The following CRTAC1 variants were observed in gnomAD, a reference collection of about 807,000 sequenced individuals.
CRTAC1 encodes the protein acidic secreted protein in cartilage.
Under a neutral mutation model 67.8 loss-of-function variants are expected in CRTAC1, and 37 were observed. That is an observed-to-expected ratio of 0.55 (90% CI 0.42 to 0.72). The LOEUF (loss-of-function observed/expected upper bound fraction) is 0.72. CRTAC1 is among the 30% of genes least tolerant of loss of function. CRTAC1 has a pLI of 0.00. For synonymous variants in CRTAC1, 348 were observed against 371.0 expected (o/e 0.94, Z 0.71); for missense variants, 780 against 931.6 (o/e 0.84, Z 2.12).
chr10:98,005,106 T>A (rs1297017462), intron 2 of CRTAC1, among the ~76,000 whole-genome samples: 13 of 118,706 alleles, frequency 1.1e-4, no homozygotes, highest in African/African-American at 2.9e-4. Context: ...ATATATTTTT[T>A]TTTTTTTTTT....
Position 97,904,789 on chromosome 10 carries a change from C to T in CRTAC1, c.876G>A (p.Gly292=), listed in dbSNP as rs751961796. 6.2e-7 allele frequency: 1 copy of T among 1,602,582 alleles called. No homozygotes were observed. The highest frequency in any genetic ancestry group is 8.5e-7 in the Non-Finnish European group (1 of 1,175,348). ...SAGVDDPHQH[G]RGVALADFNR... The stretch of plus-strand genomic sequence containing the variant: ...TGAAGTCAGCCAGGGCGACACCTCG[C>T]CCATGCTGGTGGGGGTCGTCCACAC... The change falls in exon 7 of 15, where the codon GGG becomes GGA. Residue 292 remains glycine (G), a synonymous_variant. Coordinates refer to ENST00000370597, the MANE Select transcript of CRTAC1 (RefSeq NM_018058.7).
At position 97,947,246 on chromosome 10, in the gene CRTAC1, C is replaced by A. The variant is rs138414334; in HGVS notation, c.225-10880G>T. ...GCACACCGCGAGGTACTGTGATGGA[C>A]GCACATGGCATATGATGTAATTCTC... On this transcript the variant is annotated intron_variant, in intron 2 of 14. Transcript: ENST00000370597. Among the ~76,000 whole-genome samples, 25 of 152,284 alleles carry A rather than the reference C, an allele frequency of 1.6e-4. No homozygotes were observed. The East Asian group carries it at 2.1e-3, about 13-fold the overall frequency.
intron 5 of CRTAC1, among the ~76,000 whole-genome samples, chr10:97,915,543 C>T (rs554168181): frequency 5.3e-5 from 8 of 152,156 alleles, no homozygotes; most frequent in Non-Finnish European, 1.0e-4. Flanking sequence ...TGGTGCTGAG[C>T]GCTGGCCACG....
In CRTAC1 at chr10:98,012,616, G is replaced by C. The variant is rs526748; in HGVS notation, c.25-1279C>G. Among the ~76,000 whole-genome samples, 142 of 152,106 alleles carry C rather than the reference G, an allele frequency of 9.3e-4. 1 individual carries two copies. In the Middle Eastern group the frequency reaches 0.01, roughly 11 times the overall value. Reference sequence around the variant, plus strand: ...GAAGAGCAAGGAAGATCTGAAGACTGTCTCCCCATATGGAGACAGATGCTC... The same window carrying C: ...GAAGAGCAAGGAAGATCTGAAGACTCTCTCCCCATATGGAGACAGATGCTC... On this transcript the variant is annotated intron_variant, in intron 1 of 14. Coordinates refer to ENST00000370597, the MANE Select transcript of CRTAC1 (RefSeq NM_018058.7).
intron 11 of CRTAC1, among the ~76,000 whole-genome samples, chr10:97,894,047 T>G (rs2050415602): frequency 6.6e-6 from 1 of 152,216 alleles, no homozygotes; most frequent in African/African-American, 2.4e-5. Context: ...ATAAAGATAC[T>G]ATGAACAAAT....
intron 3 of CRTAC1, among the ~76,000 whole-genome samples, chr10:97,926,499 T>G (rs942634163): frequency 5.3e-5 from 8 of 152,100 alleles, no homozygotes; most frequent in African/African-American, 1.4e-4. Context: ...TTTGCATATT[T>G]TTCCTTCAGA....
intron 7 of CRTAC1, among the ~76,000 whole-genome samples, chr10:97,904,399 C>T (rs2050581060): frequency 6.6e-6 from 1 of 151,982 alleles, no homozygotes; most frequent in Non-Finnish European, 1.5e-5. Context: ...AGGGAGAGGC[C>T]CTTTCTTTTT....
chr10:97,910,715 G>A (rs1038491811), intron 5 of CRTAC1, among the ~76,000 whole-genome samples: 1 of 152,122 alleles, frequency 6.6e-6, no homozygotes, highest in African/African-American at 2.4e-5. Context: ...TGCCCCCAGG[G>A]GAAATCATGG....
At chr10:97,995,055 A>G (rs953417515) in intron 2 of CRTAC1, among the ~76,000 whole-genome samples, 6 of 152,228 alleles carry the variant, frequency 3.9e-5, no homozygotes, top group Non-Finnish European at 7.3e-5. Context: ...GGCTATAGGT[A>G]TTTTATAAAC....
At chr10:98,012,095 C>T (rs1842921149) in intron 1 of CRTAC1, among the ~76,000 whole-genome samples, 1 of 152,188 alleles carries the variant, frequency 6.6e-6, no homozygotes, top group African/African-American at 2.4e-5. Flanking sequence ...GGGAGGCGTT[C>T]CAGCAGGATC....
chr10:97,896,393 AT>A (rs2050459391), intron 9 of CRTAC1, among the ~76,000 whole-genome samples: 1 of 152,180 alleles, frequency 6.6e-6, no homozygotes, highest in Non-Finnish European at 1.5e-5. Flanking sequence ...AAGAGGGCAG[AT>A]ATAATTATCC....
chr10:98,022,979 C>T (rs1460205815), intron 1 of CRTAC1, among the ~76,000 whole-genome samples: 2 of 152,214 alleles, frequency 1.3e-5, no homozygotes, highest in East Asian at 1.9e-4. Context: ...TTAAAATGCA[C>T]TCGTGGACCC....
chr10:97,932,230 T>C (rs2051014226), intron 3 of CRTAC1, among the ~76,000 whole-genome samples: 1 of 152,166 alleles, frequency 6.6e-6, no homozygotes, highest in Non-Finnish European at 1.5e-5. Context: ...CCACGACACT[T>C]TGAGAGGCTC....
At chr10:98,009,313 A>G (rs1564933595) in intron 2 of CRTAC1, among the ~76,000 whole-genome samples, 3 of 152,226 alleles carry the variant, frequency 2.0e-5, no homozygotes, top group Admixed American at 2.0e-4. Context: ...CATACTGGAC[A>G]GCACCAACAC....
At chr10:98,026,939 G>A (rs1843244767) in intron 1 of CRTAC1, among the ~76,000 whole-genome samples, 1 of 152,100 alleles carries the variant, frequency 6.6e-6, no homozygotes, top group Non-Finnish European at 1.5e-5. Context: ...CAGCACTTTG[G>A]GAGGCCGAGG....
intron 8 of CRTAC1, among the ~76,000 whole-genome samples, chr10:97,898,614 C>T (rs925588925): frequency 6.6e-6 from 1 of 152,098 alleles, no homozygotes; most frequent in Non-Finnish European, 1.5e-5. Context: ...GTTTGGACTT[C>T]ATCCAAAGGC....
At position 97,905,776 on chromosome 10, in the gene CRTAC1, C is replaced by T. The variant is rs140726578; in HGVS notation, c.851-962G>A. 3.3e-5 allele frequency among the ~76,000 whole-genome samples: 5 copies of T among 152,342 alleles called. No individual in the cohort carries two copies. In the East Asian group the frequency reaches 7.7e-4, roughly 24 times the overall value. On this transcript the variant is annotated intron_variant, in intron 6 of 14. Coordinates refer to ENST00000370597, the MANE Select transcript of CRTAC1 (RefSeq NM_018058.7). ...GACAGCAGAGGAAATACTACAGCCA[C>T]GACAGAGAAGCCCACAGCATGCCTG...
chr10:98,013,735 A>G (rs1842950287), intron 1 of CRTAC1, among the ~76,000 whole-genome samples: 1 of 152,202 alleles, frequency 6.6e-6, no homozygotes, highest in Non-Finnish European at 1.5e-5. Context: ...AGCTGCTTCT[A>G]TAAACTTCAG....
At chr10:98,000,073 T>C (rs1190474660) in intron 2 of CRTAC1, among the ~76,000 whole-genome samples, 1 of 152,220 alleles carries the variant, frequency 6.6e-6, no homozygotes, top group African/African-American at 2.4e-5. Context: ...TGAGCTGTTC[T>C]ATCACTCAGT....
Sources: gnomAD v4.1 joint callset for allele counts (sites outside exome capture counted in the v4.1 genomes callset) on GRCh38, gnomAD v4.1.1 for gene constraint, MANE v1.5 for transcripts, NCBI Gene and HGNC (gene_info 2026-07-23, HGNC 2026-07-21) for gene names.